Variants in ZBTB39 observed in about 807,000 individuals in gnomAD.
ZBTB39 encodes zinc finger and BTB domain containing 39, also known as zinc finger and BTB domain-containing protein 39.
ZBTB39 carries 25 observed loss-of-function variants against 39.4 expected under a neutral mutation model. That is an observed-to-expected ratio of 0.63 (90% confidence interval 0.46 to 0.89). The LOEUF is 0.89. Among genes scored for constraint, ZBTB39 ranks in the 40% least tolerant of loss-of-function variants. The pLI, the probability that ZBTB39 is intolerant of heterozygous loss-of-function variation, is 0.00. For missense variants in ZBTB39, 891 were observed against 909.7 expected (o/e 0.98, Z 0.26); for synonymous variants, 373 against 359.6 (o/e 1.04, Z -0.42).
rs770868337 is a variant in ZBTB39, at chr12:57,004,876, G to A, written c.42C>T (p.Asn14=). 4 of 1,610,252 alleles carry A rather than the reference G, an allele frequency of 2.5e-6. No homozygotes were observed. The highest frequency in any genetic ancestry group is 2.7e-5 in the African/African-American group (2 of 74,884). The change falls in exon 2 of 2, where the codon AAC becomes AAT. Residue 14 remains asparagine (N), a synonymous_variant. Transcript: ENST00000300101. ...RIKLQSTNHP[N]NLLKELNKCR... ...ACTTGTTGAGTTCCTTCAGCAGGTT[G>A]TTGGGGTGGTTGGTGCTTTGCAGTT...
chr12:57,004,469 G>A lies in ZBTB39; in HGVS notation c.449C>T (p.Ala150Val). Residue 150 changes from alanine to valine, a missense_variant, in exon 2 of 2, where the codon GCA (alanine) becomes GTA (valine). By Grantham distance (64) the Ala-to-Val change is moderately conservative. Coordinates refer to ENST00000300101, the MANE Select transcript of ZBTB39 (RefSeq NM_014830.3). ...SHSGTLSCPS[A>V]EPAHPLGELR... ...TTCTCCAAGGGGATGGGCAGGTTCT[G>A]CCGAAGGACAACTCAGGGTACCAGA... is the stretch of plus-strand genomic sequence containing the variant. The A allele has an allele frequency of 6.2e-7, 1 of 1,614,202 alleles. No homozygotes were observed. Among genetic ancestry groups the A allele is most frequent in the Non-Finnish European group, 8.5e-7 (1 of 1,180,032 alleles).
rs1438090554 is a variant in ZBTB39, at chr12:57,002,793, T to A, written c.2125A>T (p.Asn709Tyr). ...CCGGGACCCAGTCAACTGTCCGGGT[T>A]CTTATCCGCCTCTTTGGAATGGATG... ...YIIHSKEADK[N>Y]PDS The change falls in exon 2 of 2, where the codon AAC becomes TAC. Residue 709 changes from asparagine (N) to tyrosine (Y), a missense_variant. Asn to Tyr is a moderately radical substitution (Grantham distance 143). Coordinates refer to ENST00000300101, the MANE Select transcript of ZBTB39 (RefSeq NM_014830.3). 1.9e-6 allele frequency: 3 copies of A among 1,613,808 alleles called. No homozygotes were observed. In the South Asian group the frequency reaches 3.3e-5, roughly 18 times the overall value.
Position 57,004,038 on chromosome 12 carries a change from G to A in ZBTB39, c.880C>T (p.Leu294Phe). 1.2e-6 allele frequency: 2 copies of A among 1,614,276 alleles called. No homozygotes were observed. Among genetic ancestry groups the A allele is most frequent in the Non-Finnish European group, 1.7e-6 (2 of 1,180,052 alleles). Reference sequence around the variant, plus strand: ...TCATCCCCCAGGTCCTCGAGCTGGAGCTCATCCATCTGCCCAAAGCCAGGA... The same window carrying A: ...TCATCCCCCAGGTCCTCGAGCTGGAACTCATCCATCTGCCCAAAGCCAGGA... The part of the protein sequence containing the change: ...KDPGFGQMDE[L>F]QLEDLGDDDL... Residue 294 changes from leucine (L) to phenylalanine (F), a missense_variant, in exon 2 of 2, where the codon CTC becomes TTC. Coordinates refer to ENST00000300101, the MANE Select transcript of ZBTB39 (RefSeq NM_014830.3).
At position 57,002,550 on chromosome 12, in the gene ZBTB39, C is replaced by A; in HGVS notation, c.*229G>T. The A allele has an allele frequency of 1.8e-6, 1 of 553,014 alleles. No individual in the cohort carries two copies. Among genetic ancestry groups the A allele is most frequent in the Non-Finnish European group, 3.2e-6 (1 of 314,318 alleles). The allele number at this position is 553,014 out of a possible 1,614,324, so 34.3% of individuals were successfully genotyped here. On this transcript the variant is annotated 3_prime_UTR_variant, in exon 2 of 2. Transcript: ENST00000300101. ...GCCTCAAAAGAATGAAAAACATAGC[C>A]CTGCATGGGCAAGAACAGGTATGGA...
rs1291896500 is a variant in ZBTB39, at chr12:57,002,115, G to C, written c.*664C>G. On this transcript the variant is annotated 3_prime_UTR_variant, in exon 2 of 2. Coordinates refer to ENST00000300101, the MANE Select transcript of ZBTB39 (RefSeq NM_014830.3). ...GTGGCACTGCAGGACACCCCTTCTG[G>C]CTGGCAGGGGTTCATCCCAAAGCTT... 6.5e-6 allele frequency: 1 copy of C among 152,690 alleles called. No individual in the cohort carries two copies. The highest frequency in any genetic ancestry group is 1.5e-5 in the Non-Finnish European group (1 of 68,068). 9.5% of individuals were successfully genotyped at this position (152,690 alleles called of 1,614,324 possible).
rs1313617618 is a variant in ZBTB39 at position 57,004,244 on chromosome 12, A to G, written c.674T>C (p.Met225Thr). Residue 225 changes from methionine to threonine, a missense_variant, in exon 2 of 2, where the codon ATG becomes ACG. Met to Thr is a moderately conservative substitution (Grantham distance 81). Transcript: ENST00000300101. ...PAPFTSIPSM[M>T]TQPLLGTVST... ...GACAGTGCCTAGGAGTGGCTGGGTC[A>G]TCATGCTAGGAATGGACGTGAAGGG... 1 of 1,614,178 alleles carries G rather than the reference A, an allele frequency of 6.2e-7. No homozygotes were observed. The highest frequency in any genetic ancestry group is 1.1e-5 in the South Asian group (1 of 91,076).
Position 57,004,067 on chromosome 12 carries a change from T to C in ZBTB39, c.851A>G (p.Lys284Arg), listed in dbSNP as rs370554777. 7.4e-6 allele frequency: 12 copies of C among 1,614,224 alleles called. No individual in the cohort carries two copies. Among genetic ancestry groups the C allele is most frequent in the South Asian group, 3.3e-5 (3 of 91,088 alleles). ...NSCLSNSEHS[K>R]DPGFGQMDEL... is the part of the protein sequence containing the mutation. ...ATCCATCTGCCCAAAGCCAGGATCT[T>C]TGGAGTGCTCACTATTGCTCAGACA... The change falls in exon 2 of 2, where the codon AAA becomes AGA. Residue 284 changes from lysine to arginine, a missense_variant. Physicochemically the swap from Lys to Arg is conservative, Grantham distance 26 (BLOSUM62 2). Transcript: ENST00000300101.
Position 57,003,594 on chromosome 12 carries a change from G to A in ZBTB39, c.1324C>T (p.Leu442Phe), listed in dbSNP as rs765230925. ...PNDPLPGKLG[L>F]FSGAASPELK... is the part of the protein sequence containing the mutation. ...TCTGGGGAGGCTGCCCCTGAAAAGAGACCCAGCTTCCCTGGCAGGGGATCG... is the reference window on the plus strand; with the variant it reads ...TCTGGGGAGGCTGCCCCTGAAAAGAAACCCAGCTTCCCTGGCAGGGGATCG... The change falls in exon 2 of 2, where the codon CTC becomes TTC. Residue 442 changes from leucine to phenylalanine, a missense_variant. By Grantham distance (22) the Leu-to-Phe change is conservative. Coordinates refer to ENST00000300101, the MANE Select transcript of ZBTB39 (RefSeq NM_014830.3). The surrounding 1 kb of genome is among the most constrained non-coding windows in gnomAD (Gnocchi z 4.8). 3.7e-6 allele frequency: 6 copies of A among 1,614,120 alleles called. No homozygotes were observed. Among genetic ancestry groups the A allele is most frequent in the Non-Finnish European group, 5.1e-6 (6 of 1,179,928 alleles).
In ZBTB39 at chr12:57,003,488, A is replaced by G; in HGVS notation, c.1430T>C (p.Leu477Ser). 1 of 1,613,600 alleles carries G rather than the reference A, an allele frequency of 6.2e-7. No homozygotes were observed. The highest frequency in any genetic ancestry group is 8.5e-7 in the Non-Finnish European group (1 of 1,179,502). Residue 477 changes from leucine (L) to serine (S), a missense_variant, in exon 2 of 2, where the codon TTG (leucine) becomes TCG (serine). By Grantham distance (145) the Leu-to-Ser change is moderately radical. Coordinates refer to ENST00000300101, the MANE Select transcript of ZBTB39 (RefSeq NM_014830.3). This position sits in a 1 kb window ranked among gnomAD's most constrained non-coding sequence, Gnocchi z 4.8. Reference protein sequence around the residue: ...VRGHILDHLNLKGQACSVCDQ... With the variant: ...VRGHILDHLNSKGQACSVCDQ... ...GCAGACACTGCAGGCCTGGCCCTTC[A>G]AGTTTAGATGGTCAAGGATGTGGCC...
At position 57,003,786 on chromosome 12, in the gene ZBTB39, C is replaced by T. The variant is rs760832193; in HGVS notation, c.1132G>A (p.Glu378Lys). ...DLLTGNCKVCETHFQDRNSRV... is the reference protein window; with the variant it reads ...DLLTGNCKVCKTHFQDRNSRV... ...GAGTTTCGGTCCTGGAAGTGGGTCT[C>T]GCAGACCTTGCAGTTGCCCGTCAGC... The change falls in exon 2 of 2, where the codon GAG (glutamate) becomes AAG (lysine). Residue 378 changes from glutamate (E) to lysine (K), a missense_variant. Physicochemically the swap from Glu to Lys is moderately conservative, Grantham distance 56. Transcript: ENST00000300101. The surrounding 1 kb of genome is among the most constrained non-coding windows in gnomAD (Gnocchi z 4.8). 1.5e-5 allele frequency: 25 copies of T among 1,614,108 alleles called. No individual in the cohort carries two copies. The highest frequency in any genetic ancestry group is 5.5e-5 in the South Asian group (5 of 91,088).
At position 57,001,908 on chromosome 12, in the gene ZBTB39, TCCA is replaced by T. The variant is rs1013384789; in HGVS notation, c.*868_*870del. 1 of 152,550 alleles carries T rather than the reference TCCA, an allele frequency of 6.6e-6. No individual in the cohort carries two copies. The highest frequency in any genetic ancestry group is 2.4e-5 in the African/African-American group (1 of 41,380). The allele number at this position is 152,550 out of a possible 1,614,324, so 9.4% of individuals were successfully genotyped here. A position where few individuals can be genotyped will look rare whatever the true frequency, so the allele number is the denominator to read the frequency against. ...CTGCTGTCAGATACATCCCCACCTCTCCACCAAGACACTCATGGCCAACAGAAG... is the reference window on the plus strand; with the variant it reads ...CTGCTGTCAGATACATCCCCACCTCTCCAAGACACTCATGGCCAACAGAAG... On this transcript the variant is annotated 3_prime_UTR_variant, in exon 2 of 2. Coordinates refer to ENST00000300101, the MANE Select transcript of ZBTB39 (RefSeq NM_014830.3).
In ZBTB39 at chr12:57,004,793, G is replaced by C. The variant is rs774418916; in HGVS notation, c.125C>G (p.Pro42Arg). 1 of 1,614,176 alleles carries C rather than the reference G, an allele frequency of 6.2e-7. No individual in the cohort carries two copies. Among genetic ancestry groups the C allele is most frequent in the Non-Finnish European group, 8.5e-7 (1 of 1,180,032 alleles). ...ACAGGCCAGCACAGCCTTGTGGGCC[G>C]GGAAGGAGCGGCTCCCCACCACAAT... ...VTIVVGSRSF[P>R]AHKAVLACAA... Residue 42 changes from proline (P) to arginine (R), a missense_variant, in exon 2 of 2, where the codon CCG becomes CGG. Transcript: ENST00000300101.
In ZBTB39 at chr12:57,003,936, CCTCA is replaced by C; in HGVS notation, c.978_981del (p.Ser326ArgfsTer26). 6.2e-7 allele frequency: 1 copy of C among 1,614,224 alleles called. No homozygotes were observed. Among genetic ancestry groups the C allele is most frequent in the Non-Finnish European group, 8.5e-7 (1 of 1,180,040 alleles). ...TCATTCTCTCCAAAAGCCAACTCAT[CCTCA>C]CTGTCATCACTCAGCTCAATCACCT... On this transcript the variant is annotated frameshift_variant, in exon 2 of 2. Coordinates refer to ENST00000300101, the MANE Select transcript of ZBTB39 (RefSeq NM_014830.3). LOFTEE classifies it high-confidence loss of function. This position sits in a 1 kb window ranked among gnomAD's most constrained non-coding sequence, Gnocchi z 4.8.
chr12:56,998,941 A>G lies in ZBTB39; in HGVS notation c.*3838T>C, dbSNP rs1211091026. ...GATTTTAGACATCTACTATTTGGGG[A>G]AAAAAGTTTACAAAATATACAAAAC... On this transcript the variant is annotated 3_prime_UTR_variant, in exon 2 of 2. Transcript: ENST00000300101. 1 of 152,636 alleles carries G rather than the reference A, an allele frequency of 6.6e-6. No individual in the cohort carries two copies. The highest frequency in any genetic ancestry group is 2.4e-5 in the African/African-American group (1 of 41,452). 9.5% of individuals were successfully genotyped at this position (152,636 alleles called of 1,614,324 possible).
Position 57,004,623 on chromosome 12 carries a change from C to T in ZBTB39, c.295G>A (p.Val99Ile). The change falls in exon 2 of 2, where the codon GTT (valine) becomes ATT (isoleucine). Residue 99 changes from valine (V) to isoleucine (I), a missense_variant. Physicochemically the swap from Val to Ile is conservative, Grantham distance 29. Transcript: ENST00000300101. ...TCAGCTACCTCGTAGATGACCCCAACATTGATCAGGTCTGTGAAGAGTTCT... is the reference window on the plus strand; with the variant it reads ...TCAGCTACCTCGTAGATGACCCCAATATTGATCAGGTCTGTGAAGAGTTCT... Reference protein sequence around the residue: ...TSELFTDLINVGVIYEVAERL... With the variant: ...TSELFTDLINIGVIYEVAERL... 5 of 1,614,248 alleles carry T rather than the reference C, an allele frequency of 3.1e-6. No individual in the cohort carries two copies. Among genetic ancestry groups the T allele is most frequent in the Non-Finnish European group, 4.2e-6 (5 of 1,180,050 alleles).
chr12:57,005,533 C>T (rs1473123181), intron 1 of ZBTB39, among the ~76,000 whole-genome samples: 1 of 152,212 alleles, frequency 6.6e-6, no homozygotes, highest in African/African-American at 2.4e-5. Flanking sequence ...GCTCTCTGGC[C>T]TTTCGATAAC....
rs1184656433 is a variant in ZBTB39, at chr12:57,001,169, G to T, written c.*1610C>A. 1 of 152,254 alleles carries T rather than the reference G, an allele frequency of 6.6e-6. No individual in the cohort carries two copies. The highest frequency in any genetic ancestry group is 1.5e-5 in the Non-Finnish European group (1 of 68,046). 9.4% of individuals were successfully genotyped at this position (152,254 alleles called of 1,614,324 possible). ...TATACCCCTGGTTCTCCACATCTCT[G>T]GTCAAGGCTGTTCTCTGGAATATGG... On this transcript the variant is annotated 3_prime_UTR_variant, in exon 2 of 2. Coordinates refer to ENST00000300101, the MANE Select transcript of ZBTB39 (RefSeq NM_014830.3).
rs527850421 is a variant in ZBTB39, at chr12:57,006,499, G to C, written c.-139C>G. The stretch of plus-strand genomic sequence containing the variant: ...GGCCCGACGAGGAGGCGGCGCCGCC[G>C]GCCGCGGCCAGACTCTCCATCCGCC... On this transcript the variant is annotated 5_prime_UTR_variant, in exon 1 of 2. Transcript: ENST00000300101. 1 of 147,008 alleles carries C rather than the reference G, an allele frequency of 6.8e-6. No homozygotes were observed. Among genetic ancestry groups the C allele is most frequent in the Non-Finnish European group, 1.5e-5 (1 of 66,062 alleles). The allele number at this position is 147,008 out of a possible 1,614,324, so 9.1% of individuals were successfully genotyped here. A position where few individuals can be genotyped will look rare whatever the true frequency, so the allele number is the denominator to read the frequency against.
In ZBTB39 at chr12:57,003,292, C is replaced by G; in HGVS notation, c.1626G>C (p.Leu542Phe). The change falls in exon 2 of 2, where the codon TTG becomes TTC. Residue 542 changes from leucine (L) to phenylalanine (F), a missense_variant. Coordinates refer to ENST00000300101, the MANE Select transcript of ZBTB39 (RefSeq NM_014830.3). This position sits in a 1 kb window ranked among gnomAD's most constrained non-coding sequence, Gnocchi z 4.8. ...CCTCTGACTTGAAGCTCTGGCTGCACAAGCGGCAGTGGAAGAGGGCGTCTT... is the reference window on the plus strand; with the variant it reads ...CCTCTGACTTGAAGCTCTGGCTGCAGAAGCGGCAGTGGAAGAGGGCGTCTT... ...SLEDALFHCR[L>F]CSQSFKSEAA... 2 of 1,614,174 alleles carry G rather than the reference C, an allele frequency of 1.2e-6. No individual in the cohort carries two copies. Among genetic ancestry groups the G allele is most frequent in the African/African-American group, 1.3e-5 (1 of 75,072 alleles).
Sources: allele counts gnomAD v4.1 joint callset (sites outside exome capture counted in the v4.1 genomes callset), GRCh38; gene constraint gnomAD v4.1.1; non-coding constraint Gnocchi (gnomAD v3.1); transcripts MANE v1.5; gene names NCBI Gene and HGNC (gene_info 2026-07-23, HGNC 2026-07-21).